Variants in MAGI2 observed in about 807,000 individuals in gnomAD.
The protein encoded by MAGI2 is membrane associated guanylate kinase, WW and PDZ domain containing 2, also known as membrane-associated guanylate kinase, WW and PDZ domain-containing protein 2.
A neutral mutation model predicts 133.3 loss-of-function variants in MAGI2; 35 were observed. The ratio of observed to expected loss-of-function variants is 0.26; its 90% CI spans 0.20 to 0.35. The LOEUF is 0.35. Among genes scored for constraint, MAGI2 ranks in the 10% least tolerant of loss-of-function variants. MAGI2 has a pLI of 1.00. For synonymous variants in MAGI2, 729 were observed against 710.6 expected (o/e 1.03, Z -0.41); for missense variants, 1,636 against 1,863.4 (o/e 0.88, Z 2.25).
intron 1 of MAGI2, among the ~76,000 whole-genome samples, chr7:79,279,982 T>A (rs574073000): frequency 9.2e-5 from 14 of 152,346 alleles, no homozygotes; most frequent in Middle Eastern, 3.4e-3. Flanking sequence ...ATCTGTAGTC[T>A]GGAATATAAA....
chr7:79,067,622 C>T (rs1020266810), intron 1 of MAGI2, among the ~76,000 whole-genome samples: 1 of 152,162 alleles, frequency 6.6e-6, no homozygotes, highest in Non-Finnish European at 1.5e-5. Context: ...ATCATCCTGG[C>T]CAGAACTTCC....
At chr7:78,070,415 T>TATACATATACAC (rs1814463884) in intron 21 of MAGI2, among the ~76,000 whole-genome samples, 1 of 147,412 alleles carries the variant, frequency 6.8e-6, no homozygotes, top group African/African-American at 2.5e-5. Flanking sequence ...TATGTGTGTG[T>TATACATATACAC]GTATATATAT....
intron 2 of MAGI2, among the ~76,000 whole-genome samples, chr7:78,708,116 G>A (rs1187848447): frequency 6.6e-6 from 1 of 151,970 alleles, no homozygotes; most frequent in Admixed American, 6.6e-5. Flanking sequence ...CCACTGATGG[G>A]GACTGACAAG....
At chr7:79,190,608 A>C in intron 1 of MAGI2, among the ~76,000 whole-genome samples, 1 of 151,854 alleles carries the variant, frequency 6.6e-6, no homozygotes, top group East Asian at 1.9e-4. Context: ...AGTTAGCAGT[A>C]TTAATACTTT....
chr7:78,181,588 T>C (rs1446362778), intron 13 of MAGI2, among the ~76,000 whole-genome samples: 1 of 152,210 alleles, frequency 6.6e-6, no homozygotes, highest in African/African-American at 2.4e-5. Flanking sequence ...CTAGTGTTGC[T>C]TCTTAGAAGT....
intron 4 of MAGI2, among the ~76,000 whole-genome samples, chr7:78,505,292 T>C (rs921166591): frequency 1.3e-5 from 2 of 152,130 alleles, no homozygotes; most frequent in Admixed American, 1.3e-4. Context: ...AAATAAAGTA[T>C]CTATTAGAAA....
intron 12 of MAGI2, among the ~76,000 whole-genome samples, chr7:78,193,603 T>C (rs1244989191): frequency 6.6e-6 from 1 of 152,204 alleles, no homozygotes; most frequent in Non-Finnish European, 1.5e-5. Flanking sequence ...CCTGAATTCA[T>C]ACTCTATATT....
chr7:78,989,551 C>T (rs1805561070), intron 2 of MAGI2, among the ~76,000 whole-genome samples: 1 of 152,070 alleles, frequency 6.6e-6, no homozygotes, highest in Admixed American at 6.6e-5. Context: ...ATTGAGAATA[C>T]AACTCTCAAC....
intron 10 of MAGI2, among the ~76,000 whole-genome samples, chr7:78,233,748 T>A (rs1209477963): frequency 1.3e-5 from 2 of 152,094 alleles, no homozygotes; most frequent in East Asian, 3.9e-4. Flanking sequence ...ATAAAGGGAA[T>A]GTTGATGAAG....
chr7:78,109,296 T>C (rs1199613629), intron 20 of MAGI2, among the ~76,000 whole-genome samples: 7 of 46,702 alleles, frequency 1.5e-4, no homozygotes, highest in African/African-American at 7.3e-4. Context: ...AGAGCAAGAC[T>C]CCGTCTCAAA....
chr7:78,526,409 AAT>A (rs1796956204), intron 3 of MAGI2, among the ~76,000 whole-genome samples: 1 of 152,194 alleles, frequency 6.6e-6, no homozygotes, highest in Admixed American at 6.5e-5. Flanking sequence ...CTTTTCACGG[AAT>A]ATGTTTGTAC....
At chr7:78,628,047 G>C (rs1429960030) in intron 2 of MAGI2, among the ~76,000 whole-genome samples, 1 of 152,168 alleles carries the variant, frequency 6.6e-6, no homozygotes, top group Non-Finnish European at 1.5e-5. Context: ...GACGGCCAAG[G>C]TGGCAGGAGT....
intron 1 of MAGI2, among the ~76,000 whole-genome samples, chr7:79,222,651 G>A (rs932219306): frequency 1.1e-4 from 17 of 151,808 alleles, no homozygotes; most frequent in Non-Finnish European, 2.5e-4. Context: ...GGCCCATTCT[G>A]GTCTTGGTAA....
intron 7 of MAGI2, among the ~76,000 whole-genome samples, chr7:78,365,798 T>C (rs1793315285): frequency 6.6e-6 from 1 of 152,226 alleles, no homozygotes; most frequent in African/African-American, 2.4e-5. Context: ...GTTTCTCATT[T>C]TCTAGCTGTT....
rs147921197 is a variant in MAGI2 at position 78,723,712 on chromosome 7, G to A, written c.419-96473C>T. Among the ~76,000 whole-genome samples, 7 of 152,206 alleles carry A rather than the reference G, an allele frequency of 4.6e-5. No homozygotes were observed. The East Asian group carries it at 1.2e-3, about 25-fold the overall frequency. On this transcript the variant is annotated intron_variant, in intron 2 of 21. Coordinates refer to ENST00000354212, the MANE Select transcript of MAGI2 (RefSeq NM_012301.4). ...CAGAAGAGATGACTATAGGTCAGAG[G>A]GAAATTGATTTGGATCAGGAATGTC...
chr7:79,356,326 CA>C (rs60283768), intron 1 of MAGI2, among the ~76,000 whole-genome samples: 22,950 of 152,042 alleles, frequency 0.15, 1,914 homozygotes, highest in East Asian at 0.29. Flanking sequence ...ACGAATCTCT[CA>C]GCCCCCACAA....
intron 2 of MAGI2, among the ~76,000 whole-genome samples, chr7:78,809,485 C>A (rs1788861982): frequency 6.6e-6 from 1 of 152,158 alleles, no homozygotes; most frequent in East Asian, 1.9e-4. Context: ...TTGGAACTAC[C>A]CACAGGAAAC....
At chr7:78,618,987 T>A (rs1807414612) in intron 3 of MAGI2, 1 of 135,036 alleles carries the variant, frequency 7.4e-6, no homozygotes, top group African/African-American at 2.9e-5. Flanking sequence ...CATCATGGAT[T>A]GCATACTCCA....
At chr7:79,425,788 G>A (rs1026557719) in intron 1 of MAGI2, among the ~76,000 whole-genome samples, 31 of 151,738 alleles carry the variant, frequency 2.0e-4, no homozygotes, top group Middle Eastern at 3.4e-3. Flanking sequence ...AGGGTTGGGG[G>A]ATGGAGGAAA....
Sources: gnomAD v4.1 joint callset for allele counts (sites outside exome capture counted in the v4.1 genomes callset) on GRCh38, gnomAD v4.1.1 for gene constraint, MANE v1.5 for transcripts, NCBI Gene and HGNC (gene_info 2026-07-23, HGNC 2026-07-21) for gene names.